Variants in ACACB observed in about 807,000 individuals in gnomAD.
ACACB encodes acetyl-CoA carboxylase beta.
ACACB carries 209 observed loss-of-function variants against 278.8 expected under a neutral mutation model. The observed-to-expected ratio is 0.75, with a 90% confidence interval of 0.67 to 0.84. The LOEUF (loss-of-function observed/expected upper bound fraction) is 0.84. ACACB is among the 40% of genes least tolerant of loss of function. The pLI, the probability that ACACB is intolerant of heterozygous loss-of-function variation, is 0.00. For synonymous variants in ACACB, 1,174 were observed against 1,285.6 expected (o/e 0.91, Z 1.86); for missense variants, 2,850 against 3,269.0 (o/e 0.87, Z 3.13).
chr12:109,200,852 G>A (rs1037827370), intron 18 of ACACB, among the ~76,000 whole-genome samples: 3 of 152,162 alleles, frequency 2.0e-5, no homozygotes, highest in Non-Finnish European at 2.9e-5. Flanking sequence ...TTCAATCCTC[G>A]TAAGAGCCCT....
chr12:109,179,862 C>T (rs2044406457), intron 10 of ACACB, 55 bp from the exon 11 acceptor site: 8 of 1,549,220 alleles, frequency 5.2e-6, no homozygotes, highest in Non-Finnish European at 7.0e-6. Flanking sequence ...TCACCATTTA[C>T]AGTTCCCTGA....
intron 11 of ACACB, among the ~76,000 whole-genome samples, chr12:109,183,872 T>C (rs1158069269): frequency 3.3e-5 from 5 of 152,044 alleles, no homozygotes; most frequent in Non-Finnish European, 7.4e-5. Context: ...TCCCTTCCTC[T>C]TTTTCTTCCT....
At chr12:109,170,701 GA>G (rs2136180070) in intron 4 of ACACB, among the ~76,000 whole-genome samples, 1 of 152,056 alleles carries the variant, frequency 6.6e-6, no homozygotes, top group East Asian at 1.9e-4. Context: ...TTCATAAAAT[GA>G]AAAAGTTGTG....
chr12:109,206,797 G>A lies in ACACB; in HGVS notation c.3001G>A (p.Glu1001Lys). ...KLHQVFHSVL[E>K]NLTNVMSGFC... ...GCACCAGGTCTTCCACAGCGTCCTGGAAAACCTCACCAACGTCATGAGTGG... is the reference window on the plus strand; with the variant it reads ...GCACCAGGTCTTCCACAGCGTCCTGAAAAACCTCACCAACGTCATGAGTGG... The change falls in exon 20 of 53, where the codon GAA (glutamate) becomes AAA (lysine). Residue 1001 changes from glutamate to lysine, a missense_variant. This residue lies in a region of ACACB where 2,265 missense variants were observed against 2,561.3 expected (regional missense o/e 0.88). Transcript: ENST00000338432. The A allele has an allele frequency of 6.2e-7, 1 of 1,614,078 alleles. No homozygotes were observed. Among genetic ancestry groups the A allele is most frequent in the Non-Finnish European group, 8.5e-7 (1 of 1,180,022 alleles).
chr12:109,255,684 G>GT (rs1304441157), intron 44 of ACACB, among the ~76,000 whole-genome samples: 1 of 152,168 alleles, frequency 6.6e-6, no homozygotes, highest in Non-Finnish European at 1.5e-5. Context: ...TTCTCTCTCT[G>GT]TCTCTCTGGG....
rs2045603290 is a variant in ACACB, at chr12:109,209,094, G to A, written c.3061-71G>A. 4.0e-6 allele frequency: 6 copies of A among 1,484,190 alleles called. No homozygotes were observed. In the South Asian group the frequency reaches 5.3e-5, roughly 13 times the overall value. 91.9% of individuals were successfully genotyped at this position (1,484,190 alleles called of 1,614,324 possible). ...GTCAGGATGGGTTGAGCTGTGTTGGGTGCCCTGTTTGGGGCGGTGGTGCCC... is the reference window on the plus strand; with the variant it reads ...GTCAGGATGGGTTGAGCTGTGTTGGATGCCCTGTTTGGGGCGGTGGTGCCC... On this transcript the variant is annotated intron_variant, in intron 20 of 52. Coordinates refer to ENST00000338432, the MANE Select transcript of ACACB (RefSeq NM_001093.4).
chr12:109,171,096 C>T (rs1461719656), intron 4 of ACACB, among the ~76,000 whole-genome samples: 1 of 146,380 alleles, frequency 6.8e-6, no homozygotes, highest in Non-Finnish European at 1.5e-5. Context: ...TCAAGTGATC[C>T]TCCTGCCTCT....
At position 109,239,938 on chromosome 12, in the gene ACACB, C is replaced by G. The variant is rs568586081; in HGVS notation, c.4771C>G (p.His1591Asp). 11 of 1,614,162 alleles carry G rather than the reference C, an allele frequency of 6.8e-6. No homozygotes were observed. In the South Asian group the frequency reaches 1.2e-4, roughly 18 times the overall value. Residue 1591 changes from histidine (H) to aspartate (D), a missense_variant, in exon 35 of 53, where the codon CAC (histidine) becomes GAC (aspartate). Physicochemically the swap from His to Asp is moderately conservative, Grantham distance 81 (BLOSUM62 -1). This residue lies in a region of ACACB where 2,265 missense variants were observed against 2,561.3 expected (regional missense o/e 0.88). Coordinates refer to ENST00000338432, the MANE Select transcript of ACACB (RefSeq NM_001093.4). Reference protein sequence around the residue: ...NNTSVRTDCNHIFLNFVPTVI... With the variant: ...NNTSVRTDCNDIFLNFVPTVI... ...CACCAGCGTGCGCACCGACTGCAAC[C>G]ACATCTTCCTCAACTTCGTGCCCAC...
At chr12:109,224,691 C>A (rs1279966519) in intron 27 of ACACB, among the ~76,000 whole-genome samples, 1 of 151,890 alleles carries the variant, frequency 6.6e-6, no homozygotes, top group Non-Finnish European at 1.5e-5. Context: ...ACCACCACAC[C>A]TGGCTAATTT....
chr12:109,232,869 TC>T lies in ACACB; in HGVS notation c.4139+71del, dbSNP rs991036915. ...GGGGGCTGGGCAGACTTCCCTTGAA[TC>T]CCCCCCCAATTCACTGGACAGATGG... is the stretch of plus-strand genomic sequence containing the variant. On this transcript the variant is annotated intron_variant, in intron 29 of 52. Coordinates refer to ENST00000338432, the MANE Select transcript of ACACB (RefSeq NM_001093.4). 332 of 1,571,816 alleles carry T rather than the reference TC, an allele frequency of 2.1e-4. 1 individual carries two copies. In the East Asian group the frequency reaches 5.3e-3, roughly 25 times the overall value.
rs1450846892 is a variant in ACACB, at chr12:109,140,247, C to T, written c.653+189C>T. ...CCTTCCTTCCTTCCTTCCTTCCTTC[C>T]TTCCTTCCATCCTTCCTTCCTTCTT... On this transcript the variant is annotated intron_variant, in intron 2 of 52. Transcript: ENST00000338432. Among the ~76,000 whole-genome samples, 2 of 129,910 alleles carry T rather than the reference C, an allele frequency of 1.5e-5. 1 individual carries two copies. The highest frequency in any genetic ancestry group is 5.0e-4 in the South Asian group (2 of 4,018). 85.2% of individuals were successfully genotyped at this position (129,910 alleles called of 152,430 possible).
At position 109,246,409 on chromosome 12, in the gene ACACB, GT is replaced by G; in HGVS notation, c.5534del (p.Phe1845SerfsTer20). ...IGMAEEIKHM[F>X]HVAWVDPEDP... The stretch of plus-strand genomic sequence containing the variant: ...GCATGGCAGAGGAGATCAAACACAT[GT>G]TCCACGTGGCTTGGGTGGACCCAGA... On this transcript the variant is annotated frameshift_variant, in exon 39 of 53. Transcript: ENST00000338432. LOFTEE classifies it high-confidence loss of function. The G allele has an allele frequency of 6.2e-7, 1 of 1,613,658 alleles. No individual in the cohort carries two copies. The highest frequency in any genetic ancestry group is 8.5e-7 in the Non-Finnish European group (1 of 1,179,864).
chr12:109,130,471 G>C (rs1484281703), intron 1 of ACACB, among the ~76,000 whole-genome samples: 1 of 152,206 alleles, frequency 6.6e-6, no homozygotes, highest in Non-Finnish European at 1.5e-5. Flanking sequence ...AACTGGCCTG[G>C]AGCCGGGGAT....
At chr12:109,202,323 AT>A (rs1038070729) in intron 19 of ACACB, among the ~76,000 whole-genome samples, 1 of 150,460 alleles carries the variant, frequency 6.6e-6, no homozygotes, top group Non-Finnish European at 1.5e-5. Flanking sequence ...ATTATTATTC[AT>A]TTTTTTTTGA....
At position 109,210,258 on chromosome 12, in the gene ACACB, T is replaced by C. The variant is rs1177661433; in HGVS notation, c.3249+905T>C. On this transcript the variant is annotated intron_variant, in intron 21 of 52. Transcript: ENST00000338432. ...GTATATATGTATATATACACACATG[T>C]GTGTATATGTACATATACACACACA... Among the ~76,000 whole-genome samples, 14 of 68,988 alleles carry C rather than the reference T, an allele frequency of 2.0e-4. 1 individual carries two copies. The highest frequency in any genetic ancestry group is 1.1e-3 in the Admixed American group (8 of 7,518). 45.3% of individuals were successfully genotyped at this position (68,988 alleles called of 152,430 possible).
intron 1 of ACACB, among the ~76,000 whole-genome samples, chr12:109,133,861 A>ATTTTTT (rs1236378780): frequency 4.3e-5 from 2 of 46,358 alleles, no homozygotes; most frequent in African/African-American, 1.7e-4. Flanking sequence ...ATATATATAT[A>ATTTTTT]TATTTTTTTT....
At chr12:109,230,350 C>A (rs374216243) in intron 28 of ACACB, among the ~76,000 whole-genome samples, 37 of 152,282 alleles carry the variant, frequency 2.4e-4, no homozygotes, top group African/African-American at 8.9e-4. Flanking sequence ...TGGGGTCATT[C>A]TGGGGATTTG....
chr12:109,145,552 T>A (rs1015440482), intron 2 of ACACB, among the ~76,000 whole-genome samples: 1 of 152,146 alleles, frequency 6.6e-6, no homozygotes, highest in African/African-American at 2.4e-5. Flanking sequence ...AGAACAAGCA[T>A]AAATTATATT....
At chr12:109,149,383 T>C (rs753897976) in intron 2 of ACACB, among the ~76,000 whole-genome samples, 23 of 152,162 alleles carry the variant, frequency 1.5e-4, no homozygotes, top group Non-Finnish European at 2.1e-4. Context: ...GTGGCTTTGT[T>C]CCTTTATATG....
Sources: gnomAD v4.1 joint callset for allele counts (sites outside exome capture counted in the v4.1 genomes callset) on GRCh38, gnomAD v4.1.1 for gene constraint, gnomAD v4.1.1 regional missense constraint, MANE v1.5 for transcripts, NCBI Gene and HGNC (gene_info 2026-07-23, HGNC 2026-07-21) for gene names.